Variants in ADGRG4 observed in about 807,000 individuals in gnomAD.
ADGRG4 encodes adhesion G protein-coupled receptor G4, also known as G protein-coupled receptor 112.
In ADGRG4, 122 loss-of-function variants were observed where a neutral mutation model predicts 126.2. The ratio of observed to expected loss-of-function variants is 0.97; its 90% CI spans 0.83 to 1.12. The LOEUF (loss-of-function observed/expected upper bound fraction) is 1.12, where lower values mean the gene tolerates loss of function less well. Ranked by LOEUF, ADGRG4 falls within the 50% of genes most tolerant of loss-of-function variation. The pLI, the probability that ADGRG4 is intolerant of heterozygous loss-of-function variation, is 0.00. For missense variants in ADGRG4, 2,481 were observed against 2,251.8 expected, an observed-to-expected ratio of 1.10 and a Z score of -2.06; for synonymous variants, 943 against 838.7, an observed-to-expected ratio of 1.12 and a Z score of -2.15.
chrX:136,387,709 C>G, intron 15 of ADGRG4, 31 bp from the exon 16 acceptor site: 3 of 1,195,924 alleles, frequency 2.5e-6, no homozygotes, highest in Non-Finnish European at 3.4e-6. Flanking sequence ...AATGAAGACT[C>G]CAATTTTCAT....
At chrX:136,363,346 C>T (rs763042063) in intron 12 of ADGRG4, 131 bp from the exon 13 acceptor site, 2 of 517,426 alleles carry the variant, frequency 3.9e-6, no homozygotes, top group Non-Finnish European at 6.9e-6. Flanking sequence ...ACTGGGCTCC[C>T]ACCTTTGCTT....
At chrX:136,409,059 AC>A (rs2075431585) in intron 23 of ADGRG4, among the ~76,000 whole-genome samples, 1 of 108,604 alleles carries the variant, frequency 9.2e-6, no homozygotes, top group Admixed American at 9.9e-5. Context: ...ACACACACAC[AC>A]ACACACACAC....
In ADGRG4 at chrX:136,345,864, A is replaced by C; in HGVS notation, c.2158A>C (p.Thr720Pro). The C allele has an allele frequency of 8.3e-7, 1 of 1,211,096 alleles. No individual in the cohort carries two copies. Among genetic ancestry groups the C allele is most frequent in the Non-Finnish European group, 1.1e-6 (1 of 894,799 alleles). ...EGKGTTANDA[T>P]TARYTTAVSK... ...CAAAGGTACCACTGCCAATGATGCT[A>C]CTACAGCCAGATATACAACAGCTGT... Residue 720 changes from threonine to proline, a missense_variant, in exon 6 of 26, where the codon ACT becomes CCT. Coordinates refer to ENST00000394143, the MANE Select transcript of ADGRG4 (RefSeq NM_153834.4).
chrX:136,311,979 G>A (rs1206932683), intron 4 of ADGRG4, among the ~76,000 whole-genome samples: 1 of 111,477 alleles, frequency 9.0e-6, no homozygotes, highest in Non-Finnish European at 1.9e-5. Flanking sequence ...TTACAGGCAT[G>A]TCCCACCCTG....
chrX:136,390,464 G>A (rs1296080408), intron 16 of ADGRG4, among the ~76,000 whole-genome samples: 2 of 111,490 alleles, frequency 1.8e-5, no homozygotes, highest in Non-Finnish European at 3.8e-5. Context: ...TTACAATATG[G>A]CACAGGGGCT....
chrX:136,316,506 C>T (rs189406659), intron 4 of ADGRG4, among the ~76,000 whole-genome samples: 10 of 111,503 alleles, frequency 9.0e-5, no homozygotes, highest in East Asian at 5.6e-4. Flanking sequence ...TTGCTCTTGT[C>T]GCCCAGGCTG....
intron 18 of ADGRG4, among the ~76,000 whole-genome samples, chrX:136,394,907 G>T: frequency 9.0e-6 from 1 of 111,592 alleles, no homozygotes; most frequent in Non-Finnish European, 1.9e-5. Context: ...GTAGAGCAGA[G>T]GCTCTAATTG....
intron 23 of ADGRG4, among the ~76,000 whole-genome samples, chrX:136,406,871 G>A (rs748233826): frequency 5.8e-4 from 63 of 107,949 alleles, no homozygotes; most frequent in Admixed American, 2.9e-3. Flanking sequence ...AGCTATGATC[G>A]TGCCACTGCA....
Position 136,345,911 on chromosome X carries a change from G to A in ADGRG4, c.2205G>A (p.Trp735Ter), listed in dbSNP as rs2075013270. The A allele has an allele frequency of 8.3e-7, 1 of 1,209,675 alleles. No individual in the cohort carries two copies. Among genetic ancestry groups the A allele is most frequent in the Non-Finnish European group, 1.1e-6 (1 of 893,874 alleles). Residue 735 changes from tryptophan to a stop codon, truncating the protein, a stop_gained, in exon 6 of 26, where the codon TGG becomes TGA. Transcript: ENST00000394143. LOFTEE classifies it high-confidence loss of function. ...CTGTATCCAAATTGACATCACCATG[G>A]TTTGCTAATTTCTCCATAGTTTCTG... ...TTAVSKLTSP[W>*]FANFSIVSGT...
At chrX:136,323,577 AACACAC>A (rs138686053) in intron 5 of ADGRG4, among the ~76,000 whole-genome samples, 185 bp downstream of exon 5, 53 of 93,989 alleles carry the variant, frequency 5.6e-4, no homozygotes, top group Admixed American at 4.2e-3. Flanking sequence ...AGGATAGAAG[AACACAC>A]ACACACACAC....
rs375091707 is a variant in ADGRG4 at position 136,397,887 on chromosome X, T to C, written c.8191T>C (p.Ser2731Pro). ...AACACATTGTGTTCCTTAGGATTTATCCAGGTCTACAGTGGATTCAGTGAA... is the reference window on the plus strand; with the variant it reads ...AACACATTGTGTTCCTTAGGATTTACCCAGGTCTACAGTGGATTCAGTGAA... ...LTHFGVLMDLSRSTVDSVNEQ... is the reference protein window; with the variant it reads ...LTHFGVLMDLPRSTVDSVNEQ... Residue 2731 changes from serine (S) to proline (P), a missense_variant, in exon 20 of 26, where the codon TCC (serine) becomes CCC (proline). Ser to Pro is a moderately conservative substitution (Grantham distance 74). Transcript: ENST00000394143. 4 of 1,206,466 alleles carry C rather than the reference T, an allele frequency of 3.3e-6. No homozygotes were observed. The African/African-American group carries it at 7.0e-5, about 21-fold the overall frequency.
intron 16 of ADGRG4, among the ~76,000 whole-genome samples, chrX:136,389,324 T>C (rs1327647415): frequency 8.9e-6 from 1 of 112,573 alleles, no homozygotes; most frequent in East Asian, 2.8e-4. Flanking sequence ...AATTTCTCTT[T>C]GTCACTTGAG....
chrX:136,387,817 T>C lies in ADGRG4; in HGVS notation c.7854T>C (p.Pro2618=), dbSNP rs2075300172. 1 of 1,205,606 alleles carries C rather than the reference T, an allele frequency of 8.3e-7. No homozygotes were observed. The highest frequency in any genetic ancestry group is 1.1e-6 in the Non-Finnish European group (1 of 891,315). Residue 2618 remains proline (P), a synonymous_variant, in exon 16 of 26, where the codon CCT becomes CCC. Coordinates refer to ENST00000394143, the MANE Select transcript of ADGRG4 (RefSeq NM_153834.4). The stretch of plus-strand genomic sequence containing the variant: ...CTAAATCACTGACGGAGAGAATTCC[T>C]CTTAGCAACTTACAAACGATCTTGT... ...YLPKSLTERI[P]LSNLQTILFN...
At chrX:136,380,942 T>C (rs762037903) in intron 15 of ADGRG4, among the ~76,000 whole-genome samples, 32 of 109,670 alleles carry the variant, frequency 2.9e-4, no homozygotes, top group Admixed American at 1.2e-3. Flanking sequence ...GGTCTCGAAC[T>C]CCTAGCTTCA....
In ADGRG4 at chrX:136,347,698, C is replaced by T; in HGVS notation, c.3992C>T (p.Ser1331Phe). The T allele has an allele frequency of 1.7e-6, 2 of 1,209,694 alleles. No individual in the cohort carries two copies. The highest frequency in any genetic ancestry group is 4.3e-5 in the Admixed American group (2 of 45,995). Residue 1331 changes from serine (S) to phenylalanine (F), a missense_variant, in exon 6 of 26, where the codon TCT (serine) becomes TTT (phenylalanine). Coordinates refer to ENST00000394143, the MANE Select transcript of ADGRG4 (RefSeq NM_153834.4). ...CCCTCTGATGGAAATTTGGCTTCATCTCCCACTTCTGGAAGCACACAGATT... is the reference window on the plus strand; with the variant it reads ...CCCTCTGATGGAAATTTGGCTTCATTTCCCACTTCTGGAAGCACACAGATT... Reference protein sequence around the residue: ...GTPSDGNLASSPTSGSTQITP... With the variant: ...GTPSDGNLASFPTSGSTQITP...
intron 21 of ADGRG4, among the ~76,000 whole-genome samples, chrX:136,402,511 G>A (rs2148497955): frequency 8.9e-6 from 1 of 111,942 alleles, no homozygotes; most frequent in South Asian, 3.8e-4. Context: ...GGCATTCTGG[G>A]CTTTGGAACA....
chrX:136,308,480 G>C (rs5930927), intron 3 of ADGRG4, among the ~76,000 whole-genome samples: 53,570 of 110,755 alleles, frequency 0.48, 9,740 homozygotes, highest in African/African-American at 0.61. Flanking sequence ...TGGCAGAGAT[G>C]TGTGTCTTGT....
At chrX:136,303,865 C>A (rs1048363081) in intron 1 of ADGRG4, among the ~76,000 whole-genome samples, 3 of 110,463 alleles carry the variant, frequency 2.7e-5, no homozygotes, top group African/African-American at 9.9e-5. Flanking sequence ...ATGGCTTGGA[C>A]CTTCAACAGA....
At chrX:136,408,183 G>T (rs1603301135) in intron 23 of ADGRG4, among the ~76,000 whole-genome samples, 1 of 112,056 alleles carries the variant, frequency 8.9e-6, no homozygotes, top group East Asian at 2.8e-4. Context: ...AGCCTGCATG[G>T]ATAGAAGCAG....
Sources: gnomAD v4.1 joint callset for allele counts (sites outside exome capture counted in the v4.1 genomes callset) on GRCh38, gnomAD v4.1.1 for gene constraint, MANE v1.5 for transcripts, NCBI Gene and HGNC (gene_info 2026-07-23, HGNC 2026-07-21) for gene names.